Variants in RBFOX3 observed in about 807,000 individuals in gnomAD.
RBFOX3 encodes RNA binding protein fox-1 homolog 3.
A neutral mutation model predicts 48.7 loss-of-function variants in RBFOX3; 17 were observed. The ratio of observed to expected loss-of-function variants is 0.35; its 90% CI spans 0.24 to 0.52. RBFOX3 has a LOEUF of 0.52. Ranked by LOEUF, RBFOX3 falls within the 20% of genes least tolerant of loss-of-function variation. RBFOX3 has a pLI of 0.94. For synonymous variants in RBFOX3, 212 were observed against 209.5 expected, an observed-to-expected ratio of 1.01 and a Z score of -0.10; for missense variants, 382 against 497.5, an observed-to-expected ratio of 0.77 and a Z score of 2.21.
chr17:79,266,483 C>T (rs1028507704), intron 3 of RBFOX3, among the ~76,000 whole-genome samples: 1 of 152,130 alleles, frequency 6.6e-6, no homozygotes, highest in Non-Finnish European at 1.5e-5. Context: ...TGCTAAGTTT[C>T]TGTGTTCTGT....
At chr17:79,124,505 G>A (rs888541875) in intron 4 of RBFOX3, among the ~76,000 whole-genome samples, 1 of 152,240 alleles carries the variant, frequency 6.6e-6, no homozygotes, top group Non-Finnish European at 1.5e-5. Flanking sequence ...TGGTACCACA[G>A]GGAACTGACC....
chr17:79,097,406 G>T lies in RBFOX3; in HGVS notation c.641C>A (p.Pro214His), dbSNP rs370372079. The part of the protein sequence containing the change: ...EFYAVTGFPY[P>H]TTGTAVAYRG... ...GTAGGCAACGGCTGTGCCGGTGGTG[G>T]GGTAGGGGAACCCCGTCACTGCAGG... Residue 214 changes from proline to histidine, a missense_variant, in exon 11 of 15, where the codon CCC (proline) becomes CAC (histidine). This residue lies in a region of RBFOX3 where 215 missense variants were observed against 254.8 expected (regional missense o/e 0.84). Coordinates refer to ENST00000693108, the MANE Select transcript of RBFOX3 (RefSeq NM_001350451.2). 616 of 1,547,478 alleles carry T rather than the reference G, an allele frequency of 4.0e-4. 8 individuals are homozygous for T. In the South Asian group the frequency reaches 7.0e-3, roughly 17 times the overall value.
chr17:79,201,695 G>A (rs926518764), intron 4 of RBFOX3, among the ~76,000 whole-genome samples: 2 of 152,188 alleles, frequency 1.3e-5, no homozygotes, highest in African/African-American at 4.8e-5. Flanking sequence ...GCCCCTCGGA[G>A]GTGGCGGAGG....
intron 3 of RBFOX3, among the ~76,000 whole-genome samples, chr17:79,283,448 T>C (rs906711287): frequency 1.3e-5 from 2 of 152,130 alleles, no homozygotes; most frequent in Non-Finnish European, 2.9e-5. Flanking sequence ...TTTGTATTTT[T>C]AGTAGAGATG....
chr17:79,478,296 T>A (rs555587304), intron 2 of RBFOX3, among the ~76,000 whole-genome samples: 5 of 152,182 alleles, frequency 3.3e-5, no homozygotes, highest in African/African-American at 1.2e-4. Context: ...CATGGGTGCG[T>A]CCCTGAGGGT....
At chr17:79,109,861 G>A (rs1174541865) in intron 5 of RBFOX3, among the ~76,000 whole-genome samples, 2 of 152,220 alleles carry the variant, frequency 1.3e-5, no homozygotes, top group South Asian at 2.1e-4. Flanking sequence ...GATGAGGCGG[G>A]AGGAAGGGGG....
chr17:79,413,665 T>G (rs1345054145), intron 2 of RBFOX3, among the ~76,000 whole-genome samples: 1 of 152,092 alleles, frequency 6.6e-6, no homozygotes, highest in Admixed American at 6.5e-5. Context: ...CTTCTGCAGG[T>G]GCACACCTGG....
At chr17:79,543,787 G>A (rs1464856365) in intron 1 of RBFOX3, among the ~76,000 whole-genome samples, 8 of 151,538 alleles carry the variant, frequency 5.3e-5, no homozygotes, top group Non-Finnish European at 1.0e-4. Context: ...CTTGGCTACC[G>A]TCCAGCAATA....
At chr17:79,611,976 T>G (rs2093973046), upstream of RBFOX3, among the ~76,000 whole-genome samples, 1 of 151,832 alleles carries the variant, frequency 6.6e-6, no homozygotes. Context: ...CTGGTGTGAG[T>G]TCTGGGAGGG....
Position 79,111,796 on chromosome 17 carries a change from C to T in RBFOX3, c.222+3698G>A, listed in dbSNP as rs757507874. On this transcript the variant is annotated intron_variant, in intron 5 of 14. Transcript: ENST00000693108. This position sits in a 1 kb window ranked among gnomAD's most constrained non-coding sequence, Gnocchi z 4.2. ...CAAGGGCCCACAGTACTGGCACCTG[C>T]GTGACCCCGAGTGAGTGAATACATG... is the stretch of plus-strand genomic sequence containing the variant. 3.3e-5 allele frequency among the ~76,000 whole-genome samples: 5 copies of T among 152,212 alleles called. No homozygotes were observed. Among genetic ancestry groups the T allele is most frequent in the African/African-American group, 1.2e-4 (5 of 41,464 alleles).
At chr17:79,307,259 C>T (rs897795880) in intron 3 of RBFOX3, among the ~76,000 whole-genome samples, 53 of 152,216 alleles carry the variant, frequency 3.5e-4, no homozygotes, top group Admixed American at 4.6e-4. Context: ...CGAGCTCCAC[C>T]GGGAGATCTT....
chr17:79,293,504 G>A (rs189680811), intron 3 of RBFOX3, among the ~76,000 whole-genome samples: 14,220 of 146,868 alleles, frequency 0.097, 754 homozygotes, highest in East Asian at 0.2. Flanking sequence ...CCAGGCTGGA[G>A]TGCAGTGGCA....
chr17:79,155,516 T>C (rs2045573410), intron 4 of RBFOX3, among the ~76,000 whole-genome samples: 1 of 152,242 alleles, frequency 6.6e-6, no homozygotes, highest in Non-Finnish European at 1.5e-5. Context: ...GCCGACTTCA[T>C]GTATATTTCA....
chr17:79,412,287 CAT>C (rs965066456), intron 2 of RBFOX3, among the ~76,000 whole-genome samples: 5 of 147,494 alleles, frequency 3.4e-5, no homozygotes, highest in African/African-American at 1.3e-4. Flanking sequence ...CGTGTATGAA[CAT>C]GTGTGTATGT....
chr17:79,394,948 C>T (rs957254130), intron 2 of RBFOX3, among the ~76,000 whole-genome samples: 11 of 152,190 alleles, frequency 7.2e-5, no homozygotes, highest in Admixed American at 5.9e-4. Flanking sequence ...GGCGGCAAGA[C>T]GTCAGGAGGT....
intron 4 of RBFOX3, among the ~76,000 whole-genome samples, chr17:79,193,301 A>C (rs927953145): frequency 1.3e-5 from 2 of 152,336 alleles, no homozygotes; most frequent in Non-Finnish European, 2.9e-5. Flanking sequence ...GCCTATTAAC[A>C]GAGAACCTGG....
intron 4 of RBFOX3, among the ~76,000 whole-genome samples, chr17:79,163,012 C>T (rs531507956): frequency 1.2e-4 from 19 of 152,324 alleles, no homozygotes; most frequent in African/African-American, 4.6e-4. Flanking sequence ...AGCACAGACA[C>T]GCCAGGGCTG....
intron 3 of RBFOX3, among the ~76,000 whole-genome samples, chr17:79,303,265 A>T (rs1409837382): frequency 6.6e-6 from 1 of 152,194 alleles, no homozygotes; most frequent in Non-Finnish European, 1.5e-5. Flanking sequence ...AAATATGTAT[A>T]CCTGAAATTG....
intron 2 of RBFOX3, among the ~76,000 whole-genome samples, chr17:79,459,903 C>T (rs1232980856): frequency 6.6e-6 from 1 of 152,288 alleles, no homozygotes; most frequent in East Asian, 1.9e-4. Flanking sequence ...AATAGTCAAA[C>T]GTCCCTTGAT....
Sources: allele counts gnomAD v4.1 joint callset (sites outside exome capture counted in the v4.1 genomes callset), GRCh38; gene constraint gnomAD v4.1.1; regional missense constraint gnomAD v4.1.1; non-coding constraint Gnocchi (gnomAD v3.1); transcripts MANE v1.5; gene names NCBI Gene and HGNC (gene_info 2026-07-23, HGNC 2026-07-21).